NT5DC1: variants seen among roughly 807,000 people sequenced by gnomAD.
NT5DC1 encodes the protein 5'-nucleotidase domain-containing protein 1.
A neutral mutation model predicts 59.4 loss-of-function variants in NT5DC1; 42 were observed. The observed-to-expected ratio is 0.71, with a 90% CI of 0.55 to 0.92. The LOEUF (loss-of-function observed/expected upper bound fraction) is 0.92, where lower values mean the gene tolerates loss of function less well. NT5DC1 is among the 40% of genes least tolerant of loss of function. NT5DC1 has a pLI of 0.00. For missense variants in NT5DC1, 501 were observed against 537.1 expected, an observed-to-expected ratio of 0.93 and a Z score of 0.66; for synonymous variants, 172 against 188.1, an observed-to-expected ratio of 0.91 and a Z score of 0.70.
chr6:116,131,349 A>G (rs1407827248), intron 6 of NT5DC1, among the ~76,000 whole-genome samples: 1 of 152,202 alleles, frequency 6.6e-6, no homozygotes, highest in Non-Finnish European at 1.5e-5. Flanking sequence ...TTCTGTATGT[A>G]ACTATTTTTA....
chr6:116,244,100 A>C lies in NT5DC1; in HGVS notation c.*76A>C. 1 of 562,880 alleles carries C rather than the reference A, an allele frequency of 1.8e-6. No homozygotes were observed. Among genetic ancestry groups the C allele is most frequent in the Non-Finnish European group, 3.2e-6 (1 of 314,570 alleles). 34.9% of individuals were successfully genotyped at this position (562,880 alleles called of 1,614,324 possible). On this transcript the variant is annotated 3_prime_UTR_variant, in exon 12 of 12. Coordinates refer to ENST00000319550, the MANE Select transcript of NT5DC1 (RefSeq NM_152729.3). ...AAGTTAATTTTCAAAAAATACTGTA[A>C]AAGACTTTAAGGAACAAGTTTTATT...
intron 6 of NT5DC1, among the ~76,000 whole-genome samples, chr6:116,152,399 C>G (rs1395471769): frequency 6.6e-6 from 1 of 151,752 alleles, no homozygotes; most frequent in Non-Finnish European, 1.5e-5. Context: ...CCTCTTGTTT[C>G]AAAAATAAGA....
At chr6:116,188,782 TG>T (rs1399280865) in intron 6 of NT5DC1, among the ~76,000 whole-genome samples, 1 of 151,948 alleles carries the variant, frequency 6.6e-6, no homozygotes, top group Admixed American at 6.6e-5. Flanking sequence ...TTATGTTTTT[TG>T]TCTTTTCTAT....
At chr6:116,181,041 A>C (rs1443743546) in intron 6 of NT5DC1, among the ~76,000 whole-genome samples, 1 of 151,674 alleles carries the variant, frequency 6.6e-6, no homozygotes, top group African/African-American at 2.4e-5. Context: ...GTATTTTGGG[A>C]TGAAATCATA....
chr6:116,115,642 T>C lies in NT5DC1; in HGVS notation c.365-49T>C, dbSNP rs756113556. On this transcript the variant is annotated intron_variant, in intron 4 of 11. Transcript: ENST00000319550. Reference sequence around the variant, plus strand: ...CAGCCATATTCCTGTGTATTTCACATGCATGCAGCATTATGTTGTTCCCAG... The same window carrying C: ...CAGCCATATTCCTGTGTATTTCACACGCATGCAGCATTATGTTGTTCCCAG... 142 of 880,782 alleles carry C rather than the reference T, an allele frequency of 1.6e-4. 1 individual carries two copies. In the Admixed American group the frequency reaches 2.5e-3, roughly 15 times the overall value. The allele number at this position is 880,782 out of a possible 1,614,324, so 54.6% of individuals were successfully genotyped here.
intron 6 of NT5DC1, among the ~76,000 whole-genome samples, chr6:116,129,359 A>G (rs1283541857): frequency 3.3e-5 from 5 of 152,196 alleles, no homozygotes; most frequent in African/African-American, 4.8e-5. Flanking sequence ...GTTTGAATGT[A>G]TCCCCCAAAG....
chr6:116,121,361 T>C, intron 6 of NT5DC1: 1 of 1,613,926 alleles, frequency 6.2e-7, no homozygotes, highest in Non-Finnish European at 8.5e-7. Flanking sequence ...AGGAGGGCCT[T>C]GGGGACCTGG....
chr6:116,116,228 C>G (rs915095577), intron 5 of NT5DC1, among the ~76,000 whole-genome samples: 6 of 152,148 alleles, frequency 3.9e-5, no homozygotes, highest in Non-Finnish European at 7.4e-5. Flanking sequence ...TTCTTTTGTA[C>G]TGTATATCAA....
At chr6:116,130,972 G>C (rs1779443732) in intron 6 of NT5DC1, among the ~76,000 whole-genome samples, 3 of 152,108 alleles carry the variant, frequency 2.0e-5, no homozygotes. Flanking sequence ...TGACACAGTT[G>C]ATTCAATGTG....
intron 3 of NT5DC1, among the ~76,000 whole-genome samples, chr6:116,110,097 A>C (rs1400384479): frequency 6.6e-6 from 1 of 152,160 alleles, no homozygotes; most frequent in Non-Finnish European, 1.5e-5. Context: ...AAAACTTACG[A>C]ATTGTTTGTT....
chr6:116,168,755 A>G (rs1224927949), intron 6 of NT5DC1, among the ~76,000 whole-genome samples: 1 of 152,088 alleles, frequency 6.6e-6, no homozygotes, highest in African/African-American at 2.4e-5. Context: ...TACAGAGAGT[A>G]CTTTTCTACA....
intron 6 of NT5DC1, among the ~76,000 whole-genome samples, chr6:116,163,957 G>C (rs9488856): frequency 0.026 from 3,975 of 152,188 alleles, 160 homozygotes; most frequent in African/African-American, 0.09. Context: ...TATTCTGAGA[G>C]GATACCTGAT....
intron 11 of NT5DC1, among the ~76,000 whole-genome samples, 192 bp downstream of exon 11, chr6:116,239,315 T>C (rs771560615): frequency 6.6e-6 from 1 of 151,678 alleles, no homozygotes; most frequent in Non-Finnish European, 1.5e-5. Flanking sequence ...GCTCAACAAT[T>C]TTTTTTTTAA....
At chr6:116,199,617 A>G (rs1420696225) in intron 6 of NT5DC1, among the ~76,000 whole-genome samples, 1 of 152,108 alleles carries the variant, frequency 6.6e-6, no homozygotes, top group Non-Finnish European at 1.5e-5. Context: ...TGGGGCAGGA[A>G]ATATACAAGA....
In NT5DC1 at chr6:116,246,281, A is replaced by G. The variant is rs958275695; in HGVS notation, c.*2257A>G. On this transcript the variant is annotated 3_prime_UTR_variant, in exon 12 of 12. Transcript: ENST00000319550. Reference sequence around the variant, plus strand: ...TGGCCACTGTTTATCGCATCAGCAGAGGAAAGATCTGAATGACTCAGTGAC... The same window carrying G: ...TGGCCACTGTTTATCGCATCAGCAGGGGAAAGATCTGAATGACTCAGTGAC... The G allele has an allele frequency of 2.0e-5, 3 of 152,140 alleles. No individual in the cohort carries two copies. Among genetic ancestry groups the G allele is most frequent in the African/African-American group, 7.2e-5 (3 of 41,442 alleles). 9.4% of individuals were successfully genotyped at this position (152,140 alleles called of 1,614,324 possible).
At chr6:116,174,732 G>T (rs886361040) in intron 6 of NT5DC1, among the ~76,000 whole-genome samples, 1 of 151,998 alleles carries the variant, frequency 6.6e-6, no homozygotes, top group Non-Finnish European at 1.5e-5. Context: ...TTCTGAATTT[G>T]TATTTTGCTT....
At chr6:116,137,967 T>A (rs2114354574) in intron 6 of NT5DC1, among the ~76,000 whole-genome samples, 1 of 151,994 alleles carries the variant, frequency 6.6e-6, no homozygotes, top group East Asian at 1.9e-4. Flanking sequence ...TAATCCAAGC[T>A]ACACAGGAGG....
chr6:116,135,841 AT>A (rs1779578546), intron 6 of NT5DC1, among the ~76,000 whole-genome samples: 2 of 73,744 alleles, frequency 2.7e-5, no homozygotes, highest in Non-Finnish European at 4.9e-5. Flanking sequence ...TCAGATATAT[AT>A]ATATATATAT....
intron 6 of NT5DC1, among the ~76,000 whole-genome samples, chr6:116,162,113 G>A (rs1476656950): frequency 2.0e-5 from 3 of 151,986 alleles, no homozygotes. Flanking sequence ...AACTGATTAT[G>A]GTGTGTTAAT....
Sources: allele counts gnomAD v4.1 joint callset (sites outside exome capture counted in the v4.1 genomes callset), GRCh38; gene constraint gnomAD v4.1.1; transcripts MANE v1.5; gene names NCBI Gene and HGNC (gene_info 2026-07-23, HGNC 2026-07-21).